Variants in GOLGA7B observed in about 807,000 individuals in gnomAD.
GOLGA7B encodes the protein golgin A7 family member B.
In GOLGA7B, 17 loss-of-function variants were observed where a neutral mutation model predicts 21.5. The ratio of observed to expected loss-of-function variants is 0.79; its 90% CI spans 0.54 to 1.19. The LOEUF is 1.19. Among genes scored for constraint, GOLGA7B ranks in the 50% most tolerant of loss-of-function variants. The pLI is 0.00. For missense variants in GOLGA7B, 169 were observed against 224.4 expected (o/e 0.75, Z 1.58); for synonymous variants, 87 against 84.0 (o/e 1.04, Z -0.19).
chr10:97,861,997 C>T (rs1193082965), intron 2 of GOLGA7B, among the ~76,000 whole-genome samples: 3 of 152,196 alleles, frequency 2.0e-5, no homozygotes, highest in Non-Finnish European at 4.4e-5. Context: ...GTGTGATGAG[C>T]ATTTCTGGTC....
intron 2 of GOLGA7B, among the ~76,000 whole-genome samples, chr10:97,862,693 A>G (rs2136517676): frequency 6.6e-6 from 1 of 152,254 alleles, no homozygotes; most frequent in East Asian, 1.9e-4. Context: ...ATGGACCCAC[A>G]CAGTTCAGAC....
At chr10:97,859,408 G>C in intron 1 of GOLGA7B, 50 bp from the exon 2 acceptor site, 1 of 1,595,426 alleles carries the variant, frequency 6.3e-7, no homozygotes, top group South Asian at 1.1e-5. Context: ...TTTGGGATAT[G>C]CCGAGATGGA....
In GOLGA7B at chr10:97,859,588, G is replaced by A; in HGVS notation, c.138+5G>A. ...CCCCCAGAGCTGGACAGCCGGGTAA[G>A]GATGCCTTTTTCTGCACTTGGAACC... On this transcript the variant is annotated splice_donor_5th_base_variant and intron_variant, in intron 2 of 4. Transcript: ENST00000370602. The A allele has an allele frequency of 6.2e-7, 1 of 1,613,390 alleles. No homozygotes were observed. The highest frequency in any genetic ancestry group is 8.5e-7 in the Non-Finnish European group (1 of 1,179,556).
chr10:97,865,708 A>G lies in GOLGA7B; in HGVS notation c.*8A>G. On this transcript the variant is annotated 3_prime_UTR_variant, in exon 5 of 5. Coordinates refer to ENST00000370602, the MANE Select transcript of GOLGA7B (RefSeq NM_001010917.3). ...GGGGCGGGGGCCCGGTGACTGGCCGAGAGTCCCTGTAGGGAGGTGTATGGC... is the reference window on the plus strand; with the variant it reads ...GGGGCGGGGGCCCGGTGACTGGCCGGGAGTCCCTGTAGGGAGGTGTATGGC... The G allele has an allele frequency of 6.2e-7, 1 of 1,602,458 alleles. No individual in the cohort carries two copies. The highest frequency in any genetic ancestry group is 8.5e-7 in the Non-Finnish European group (1 of 1,174,808).
chr10:97,850,303 C>G lies in GOLGA7B; in HGVS notation c.-1C>G. The G allele has an allele frequency of 6.6e-7, 1 of 1,518,350 alleles. No homozygotes were observed. The highest frequency in any genetic ancestry group is 8.8e-7 in the Non-Finnish European group (1 of 1,135,530). The allele number at this position is 1,518,350 out of a possible 1,614,324, so 94.1% of individuals were successfully genotyped here. A position where few individuals can be genotyped will look rare whatever the true frequency, so the allele number is the denominator to read the frequency against. On this transcript the variant is annotated 5_prime_UTR_variant, in exon 1 of 5. It adds an upstream start codon to the 5' untranslated region. Transcript: ENST00000370602. ...CGACAGCCTCCGAGCGCCCCCGGATCATGGCCACCGAGGTAGGGGCGAGCG... is the reference window on the plus strand; with the variant it reads ...CGACAGCCTCCGAGCGCCCCCGGATGATGGCCACCGAGGTAGGGGCGAGCG...
In GOLGA7B at chr10:97,865,766, G is replaced by A; in HGVS notation, c.*66G>A. ...AGGGCCTTGCAGACCTGCGGCGGCT[G>A]CGCTACCAGAGCACCCGCTTCTGAG... On this transcript the variant is annotated 3_prime_UTR_variant, in exon 5 of 5. Coordinates refer to ENST00000370602, the MANE Select transcript of GOLGA7B (RefSeq NM_001010917.3). 6.6e-7 allele frequency: 1 copy of A among 1,509,052 alleles called. No individual in the cohort carries two copies. Among genetic ancestry groups the A allele is most frequent in the Admixed American group, 2.0e-5 (1 of 50,810 alleles). The allele number at this position is 1,509,052 out of a possible 1,614,324, so 93.5% of individuals were successfully genotyped here. A position where few individuals can be genotyped will look rare whatever the true frequency, so the allele number is the denominator to read the frequency against.
At position 97,864,125 on chromosome 10, in the gene GOLGA7B, G is replaced by T. The variant is rs76788477; in HGVS notation, c.291+43G>T. ...ACCGTGCATCCCTTCCCTCAGGGCT[G>T]CCCTGTGGCATGCTCATCCTTGTCT... On this transcript the variant is annotated intron_variant, in intron 3 of 4. Coordinates refer to ENST00000370602, the MANE Select transcript of GOLGA7B (RefSeq NM_001010917.3). 7,514 of 1,614,080 alleles carry T rather than the reference G, an allele frequency of 4.7e-3. 275 individuals are homozygous for T. The African/African-American group carries it at 0.086, about 19-fold the overall frequency.
Position 97,865,814 on chromosome 10 carries a change from T to C in GOLGA7B, c.*114T>C. 2.4e-6 allele frequency: 1 copy of C among 413,014 alleles called. No individual in the cohort carries two copies. The highest frequency in any genetic ancestry group is 4.4e-6 in the Non-Finnish European group (1 of 227,370). The allele number at this position is 413,014 out of a possible 1,614,324, so 25.6% of individuals were successfully genotyped here. A position where few individuals can be genotyped will look rare whatever the true frequency, so the allele number is the denominator to read the frequency against. ...GAGTCATTCTTTGGGCTCACCCTGC[T>C]GCCCGGGGTGGGAGGGAGGGTGACG... On this transcript the variant is annotated 3_prime_UTR_variant, in exon 5 of 5. Coordinates refer to ENST00000370602, the MANE Select transcript of GOLGA7B (RefSeq NM_001010917.3).
In GOLGA7B at chr10:97,867,976, C is replaced by G; in HGVS notation, c.*2276C>G. 2.0e-5 allele frequency: 3 copies of G among 152,310 alleles called. No homozygotes were observed. Among genetic ancestry groups the G allele is most frequent in the Non-Finnish European group, 4.4e-5 (3 of 68,054 alleles). The allele number at this position is 152,310 out of a possible 1,614,324, so 9.4% of individuals were successfully genotyped here. A position where few individuals can be genotyped will look rare whatever the true frequency, so the allele number is the denominator to read the frequency against. On this transcript the variant is annotated 3_prime_UTR_variant, in exon 5 of 5. Transcript: ENST00000370602. ...GTGGGGGAACAGGTTGGACTGAAAGCGAGGCCAAAAGTAATCAATTAATGA... is the reference window on the plus strand; with the variant it reads ...GTGGGGGAACAGGTTGGACTGAAAGGGAGGCCAAAAGTAATCAATTAATGA...
chr10:97,859,395 G>T, intron 1 of GOLGA7B, 63 bp from the exon 2 acceptor site: 1 of 1,555,058 alleles, frequency 6.4e-7, no homozygotes. Flanking sequence ...GGAAACCCCT[G>T]CATTTGGGAT....
chr10:97,856,681 GAAC>G (rs1190099225), intron 1 of GOLGA7B, among the ~76,000 whole-genome samples: 1 of 152,182 alleles, frequency 6.6e-6, no homozygotes, highest in Non-Finnish European at 1.5e-5. Flanking sequence ...CATAGAGGTT[GAAC>G]TAATTTACAT....
chr10:97,864,537 G>A (rs1341068162), intron 4 of GOLGA7B, among the ~76,000 whole-genome samples: 1 of 152,172 alleles, frequency 6.6e-6, no homozygotes, highest in Non-Finnish European at 1.5e-5. Context: ...ACGAATTCAT[G>A]TACTTCTCAT....
At chr10:97,862,990 A>C (rs1280803054) in intron 2 of GOLGA7B, among the ~76,000 whole-genome samples, 1 of 152,202 alleles carries the variant, frequency 6.6e-6, no homozygotes, top group East Asian at 1.9e-4. Context: ...GCCCAGGGGT[A>C]GCAGGGTCGG....
chr10:97,856,472 A>G (rs1007854218), intron 1 of GOLGA7B, among the ~76,000 whole-genome samples: 1 of 152,196 alleles, frequency 6.6e-6, no homozygotes, highest in Admixed American at 6.5e-5. Flanking sequence ...TTCTTTATCC[A>G]GTCAAGTGTT....
chr10:97,865,917 T>C lies in GOLGA7B; in HGVS notation c.*217T>C. The C allele has an allele frequency of 1.4e-6, 1 of 725,424 alleles. No individual in the cohort carries two copies. 44.9% of individuals were successfully genotyped at this position (725,424 alleles called of 1,614,324 possible). A position where few individuals can be genotyped will look rare whatever the true frequency, so the allele number is the denominator to read the frequency against. On this transcript the variant is annotated 3_prime_UTR_variant, in exon 5 of 5. Transcript: ENST00000370602. ...GTCTGGATCAGTCCATTTCCTGACC[T>C]GGGGGCTTTTCCTTCCCGATGGGGC...
At chr10:97,862,813 T>C (rs138248413) in intron 2 of GOLGA7B, among the ~76,000 whole-genome samples, 3 of 151,908 alleles carry the variant, frequency 2.0e-5, no homozygotes, top group Non-Finnish European at 2.9e-5. Flanking sequence ...GAGAGGTGAA[T>C]GATCCTGGGC....
rs1224010336 is a variant in GOLGA7B at position 97,870,555 on chromosome 10, A to T, written c.*4855A>T. ...GTGCTCACTTCATGAGAATTCACTG[A>T]GCTGTATACTTAAGAGCTGTGTATT... On this transcript the variant is annotated 3_prime_UTR_variant, in exon 5 of 5. Transcript: ENST00000370602. 6.6e-6 allele frequency: 1 copy of T among 152,120 alleles called. No individual in the cohort carries two copies. Among genetic ancestry groups the T allele is most frequent in the Non-Finnish European group, 1.5e-5 (1 of 68,014 alleles). 9.4% of individuals were successfully genotyped at this position (152,120 alleles called of 1,614,324 possible).
In GOLGA7B at chr10:97,865,810, C is replaced by G. The variant is rs2136521135; in HGVS notation, c.*110C>G. ...TTCTGAGTCATTCTTTGGGCTCACC[C>G]TGCTGCCCGGGGTGGGAGGGAGGGT... On this transcript the variant is annotated 3_prime_UTR_variant, in exon 5 of 5. Transcript: ENST00000370602. The G allele has an allele frequency of 5.7e-5, 39 of 686,188 alleles. No individual in the cohort carries two copies. The highest frequency in any genetic ancestry group is 2.2e-4 in the East Asian group (4 of 17,824). The allele number at this position is 686,188 out of a possible 1,614,324, so 42.5% of individuals were successfully genotyped here. A position where few individuals can be genotyped will look rare whatever the true frequency, so the allele number is the denominator to read the frequency against.
chr10:97,856,601 C>T (rs190659797), intron 1 of GOLGA7B, among the ~76,000 whole-genome samples: 31 of 152,276 alleles, frequency 2.0e-4, no homozygotes, highest in Non-Finnish European at 2.9e-4. Flanking sequence ...GGAGGATACC[C>T]TGTAGTGGGA....
Sources: gnomAD v4.1 joint callset for allele counts (sites outside exome capture counted in the v4.1 genomes callset) on GRCh38, gnomAD v4.1.1 for gene constraint, MANE v1.5 for transcripts, NCBI Gene and HGNC (gene_info 2026-07-23, HGNC 2026-07-21) for gene names.